The following NPSR1 variants were observed in gnomAD, a reference collection of about 807,000 sequenced individuals.
NPSR1 encodes the protein neuropeptide S receptor.
In NPSR1, 48 loss-of-function variants were observed where a neutral mutation model predicts 46.9. The ratio of observed to expected loss-of-function variants is 1.02; its 90% CI spans 0.81 to 1.30. NPSR1 has a LOEUF of 1.30. Ranked by LOEUF, NPSR1 falls within the 50% of genes most tolerant of loss-of-function variation. The pLI is 0.00. For missense variants in NPSR1, 450 were observed against 449.5 expected, an observed-to-expected ratio of 1.00 and a Z score of -0.01; for synonymous variants, 176 against 168.1, an observed-to-expected ratio of 1.05 and a Z score of -0.36.
intron 4 of NPSR1, among the ~76,000 whole-genome samples, chr7:34,812,986 AAT>A (rs1411227293): frequency 6.6e-6 from 1 of 152,192 alleles, no homozygotes; most frequent in Non-Finnish European, 1.5e-5. Flanking sequence ...AGTGGAGTGA[AAT>A]AGGGTAATTT....
intron 8 of NPSR1, among the ~76,000 whole-genome samples, chr7:34,874,893 C>T (rs1417550578): frequency 1.3e-5 from 2 of 152,242 alleles, no homozygotes; most frequent in Admixed American, 1.3e-4. Context: ...TCTCCCTTTT[C>T]CTCTGTTCTC....
chr7:34,825,606 A>G (rs725902), intron 4 of NPSR1, among the ~76,000 whole-genome samples: 40,693 of 152,044 alleles, frequency 0.27, 5,543 homozygotes, highest in Non-Finnish European at 0.3. Flanking sequence ...GGCCTCCCTG[A>G]AGGTCACCAG....
intron 8 of NPSR1, among the ~76,000 whole-genome samples, chr7:34,866,039 A>T (rs1438615893): frequency 6.6e-6 from 1 of 151,762 alleles, no homozygotes; most frequent in Non-Finnish European, 1.5e-5. Context: ...CTTCATCATA[A>T]CAAAACTAAT....
intron 2 of NPSR1, among the ~76,000 whole-genome samples, chr7:34,742,170 CCTTT>C: frequency 7.4e-6 from 1 of 134,702 alleles, no homozygotes; most frequent in Middle Eastern, 3.8e-3. Flanking sequence ...CAATCTCTCT[CCTTT>C]TTTTTTTTTA....
At chr7:34,738,995 G>A (rs1784811692) in intron 2 of NPSR1, among the ~76,000 whole-genome samples, 1 of 152,134 alleles carries the variant, frequency 6.6e-6, no homozygotes, top group South Asian at 2.1e-4. Flanking sequence ...GGTAGAATAT[G>A]TGGCTTTTTG....
At chr7:34,756,606 T>C (rs981856587) in intron 2 of NPSR1, among the ~76,000 whole-genome samples, 5 of 152,360 alleles carry the variant, frequency 3.3e-5, no homozygotes, top group Non-Finnish European at 7.3e-5. Flanking sequence ...ACTTCTTTTA[T>C]GGCACAGATA....
chr7:34,763,099 A>G (rs150636973), intron 2 of NPSR1, among the ~76,000 whole-genome samples: 4 of 152,314 alleles, frequency 2.6e-5, no homozygotes, highest in African/African-American at 9.6e-5. Context: ...GCAAGCACTG[A>G]GTATCTTGCC....
intron 2 of NPSR1, among the ~76,000 whole-genome samples, chr7:34,693,694 CA>C (rs1258670755): frequency 6.6e-6 from 1 of 151,970 alleles, no homozygotes; most frequent in Admixed American, 6.6e-5. Context: ...AACAACAATA[CA>C]AAAAAACCCA....
chr7:34,761,947 G>A (rs1360751272), intron 2 of NPSR1, among the ~76,000 whole-genome samples: 1 of 152,170 alleles, frequency 6.6e-6, no homozygotes, highest in South Asian at 2.1e-4. Context: ...CCTGATGCTT[G>A]TGCTTATGAG....
At chr7:34,864,916 A>G (rs755158748) in intron 8 of NPSR1, among the ~76,000 whole-genome samples, 4 of 151,884 alleles carry the variant, frequency 2.6e-5, no homozygotes, top group Non-Finnish European at 5.9e-5. Context: ...CAACTACACT[A>G]TATCTTTCTC....
intron 8 of NPSR1, among the ~76,000 whole-genome samples, chr7:34,859,019 C>T (rs1791122539): frequency 6.6e-6 from 1 of 151,524 alleles, no homozygotes; most frequent in South Asian, 2.1e-4. Flanking sequence ...CTCTAGGTGG[C>T]AGGTTCAAGG....
downstream of NPSR1, among the ~76,000 whole-genome samples, chr7:34,850,486 C>T (rs897176527): frequency 6.6e-6 from 1 of 151,170 alleles, no homozygotes; most frequent in African/African-American, 2.4e-5. Flanking sequence ...CTGCGAGCTC[C>T]ACCTCCCGGG....
intron 2 of NPSR1, among the ~76,000 whole-genome samples, chr7:34,686,939 C>A (rs935972324): frequency 9.9e-5 from 13 of 131,490 alleles, no homozygotes; most frequent in African/African-American, 3.5e-4. Context: ...CCAGCCTGGG[C>A]GACAGAGTGA....
chr7:34,790,690 T>C (rs1384252691), intron 3 of NPSR1, among the ~76,000 whole-genome samples: 1 of 137,926 alleles, frequency 7.3e-6, no homozygotes, highest in East Asian at 2.0e-4. Flanking sequence ...CTATGTTATA[T>C]ATAATATATG....
intron 2 of NPSR1, among the ~76,000 whole-genome samples, chr7:34,738,638 G>A (rs1025228811): frequency 3.3e-5 from 5 of 151,386 alleles, no homozygotes; most frequent in African/African-American, 1.2e-4. Context: ...ATTATATTTG[G>A]GGTTTTTATT....
intron 1 of NPSR1, among the ~76,000 whole-genome samples, chr7:34,674,813 A>G (rs1356622058): frequency 6.6e-6 from 1 of 152,184 alleles, no homozygotes; most frequent in Non-Finnish European, 1.5e-5. Flanking sequence ...GAGTCCCTCC[A>G]TTCCTCCAAT....
At position 34,823,413 on chromosome 7, in the gene NPSR1, AAAACAAC is replaced by A. The variant is rs1193452674; in HGVS notation, c.479-3986_479-3980del. Among the ~76,000 whole-genome samples, 464 of 147,220 alleles carry A rather than the reference AAAACAAC, an allele frequency of 3.2e-3. 11 individuals are homozygous for A. The highest frequency in any genetic ancestry group is 0.011 in the African/African-American group (426 of 38,194). ...AGACTTCACCAGAAAAAAAAAAAAA[AAAACAAC>A]ACCATAAATGAATAGAAAATGTATA... is the stretch of plus-strand genomic sequence containing the variant. On this transcript the variant is annotated intron_variant, in intron 4 of 8. Coordinates refer to ENST00000360581, the MANE Select transcript of NPSR1 (RefSeq NM_207172.2).
chr7:34,684,458 G>T (rs1792820770), intron 1 of NPSR1, 94 bp from the exon 2 acceptor site: 2 of 1,255,220 alleles, frequency 1.6e-6, no homozygotes, highest in African/African-American at 3.0e-5. Context: ...GGGATATGTG[G>T]CTAGGAGGAA....
chr7:34,686,362 G>T (rs550858621), intron 2 of NPSR1, among the ~76,000 whole-genome samples: 18 of 152,214 alleles, frequency 1.2e-4, no homozygotes, highest in African/African-American at 3.1e-4. Context: ...GAAGCTCAAT[G>T]GTCTGAGATT....
Sources: gnomAD v4.1 joint callset for allele counts (sites outside exome capture counted in the v4.1 genomes callset) on GRCh38, gnomAD v4.1.1 for gene constraint, MANE v1.5 for transcripts, NCBI Gene and HGNC (gene_info 2026-07-23, HGNC 2026-07-21) for gene names.